The following SLAMF1 variants were observed in gnomAD, a reference collection of about 807,000 sequenced individuals.
SLAMF1 encodes signaling lymphocytic activation molecule.
A neutral mutation model predicts 35.1 loss-of-function variants in SLAMF1; 18 were observed. The ratio of observed to expected loss-of-function variants is 0.51; its 90% confidence interval spans 0.35 to 0.76. SLAMF1 has a LOEUF of 0.76. Among genes scored for constraint, SLAMF1 ranks in the 30% least tolerant of loss-of-function variants. The pLI is 0.01. For synonymous variants in SLAMF1, 168 were observed against 157.2 expected (o/e 1.07, Z -0.51); for missense variants, 392 against 413.0 (o/e 0.95, Z 0.44).
chr1:160,637,291 C>T lies in SLAMF1; in HGVS notation c.315G>A (p.Leu105=). 2.5e-6 allele frequency: 4 copies of T among 1,614,002 alleles called. No homozygotes were observed. In the South Asian group the frequency reaches 4.4e-5, roughly 18 times the overall value. ...CCTCCTTCCTGCTTTCCCGTATCCC[C>T]AGGGTGAGATTCTCCAGATAAAACT... The part of the protein sequence containing the change: ...RYKFYLENLT[L]GIRESRKEDE... Residue 105 remains leucine (L), a synonymous_variant, in exon 2 of 7, where the codon CTG becomes CTA. Coordinates refer to ENST00000302035, the MANE Select transcript of SLAMF1 (RefSeq NM_003037.5).
intron 3 of SLAMF1, among the ~76,000 whole-genome samples, chr1:160,633,379 G>C (rs952219059): frequency 2.6e-5 from 4 of 152,162 alleles, no homozygotes; most frequent in Non-Finnish European, 4.4e-5. Flanking sequence ...GGGCACACTG[G>C]AGGCCAGGTG....
rs1214515013 is a variant in SLAMF1, at chr1:160,637,422, T to C, written c.184A>G (p.Ile62Val). ...INKSMNKSIH[I>V]VVTMAKSLEN... ...AGTGATTTTGCCATTGTGACGACAA[T>C]GTGGATGCTTTTGTTCATGCTCTTA... Residue 62 changes from isoleucine (I) to valine (V), a missense_variant, in exon 2 of 7, where the codon ATT (isoleucine) becomes GTT (valine). Physicochemically the swap from Ile to Val is conservative, Grantham distance 29. Transcript: ENST00000302035. 6.2e-7 allele frequency: 1 copy of C among 1,614,150 alleles called. No individual in the cohort carries two copies.
chr1:160,615,318 G>A (rs1218463451), intron 5 of SLAMF1, among the ~76,000 whole-genome samples: 5 of 152,072 alleles, frequency 3.3e-5, no homozygotes, highest in African/African-American at 1.2e-4. Context: ...ATCAAGAGGT[G>A]AAATTATTGT....
At chr1:160,639,061 A>G (rs926946194) in intron 1 of SLAMF1, among the ~76,000 whole-genome samples, 2 of 152,170 alleles carry the variant, frequency 1.3e-5, no homozygotes, top group Admixed American at 6.5e-5. Flanking sequence ...TGCACTCCCA[A>G]CTGCCTACAC....
At chr1:160,631,487 C>T (rs1660162888) in intron 3 of SLAMF1, among the ~76,000 whole-genome samples, 1 of 152,138 alleles carries the variant, frequency 6.6e-6, no homozygotes, top group Non-Finnish European at 1.5e-5. Flanking sequence ...TCTCCCCTCC[C>T]CCAAATTTCT....
chr1:160,608,410 A>C lies in SLAMF1; in HGVS notation c.*2338T>G, dbSNP rs887465986. 6.6e-6 allele frequency: 1 copy of C among 152,200 alleles called. No homozygotes were observed. Among genetic ancestry groups the C allele is most frequent in the Non-Finnish European group, 1.5e-5 (1 of 68,044 alleles). The allele number at this position is 152,200 out of a possible 1,614,324, so 9.4% of individuals were successfully genotyped here. A position where few individuals can be genotyped will look rare whatever the true frequency, so the allele number is the denominator to read the frequency against. ...AAACACGGGGAAAACTTATTGTTTTAAGTCTGAGGAAAAGGCAAGCTCCCG... is the reference window on the plus strand; with the variant it reads ...AAACACGGGGAAAACTTATTGTTTTCAGTCTGAGGAAAAGGCAAGCTCCCG... On this transcript the variant is annotated 3_prime_UTR_variant, in exon 7 of 7. Coordinates refer to ENST00000302035, the MANE Select transcript of SLAMF1 (RefSeq NM_003037.5).
rs1020544278 is a variant in SLAMF1, at chr1:160,610,642, A to G, written c.*106T>C. The stretch of plus-strand genomic sequence containing the variant: ...GGGAGTTGATCTGAGAAGGGTACAG[A>G]CGTGCAGCATGTCTGCCAGAGGAAA... On this transcript the variant is annotated 3_prime_UTR_variant, in exon 7 of 7. Coordinates refer to ENST00000302035, the MANE Select transcript of SLAMF1 (RefSeq NM_003037.5). The G allele has an allele frequency of 1.3e-6, 1 of 779,722 alleles. No homozygotes were observed. Among genetic ancestry groups the G allele is most frequent in the Non-Finnish European group, 2.3e-6 (1 of 431,324 alleles). 48.3% of individuals were successfully genotyped at this position (779,722 alleles called of 1,614,324 possible). A position where few individuals can be genotyped will look rare whatever the true frequency, so the allele number is the denominator to read the frequency against.
chr1:160,620,133 T>C (rs1420540705), intron 4 of SLAMF1, among the ~76,000 whole-genome samples: 3 of 152,246 alleles, frequency 2.0e-5, no homozygotes, highest in Non-Finnish European at 4.4e-5. Context: ...CACTGCCTGG[T>C]GCATAACAAA....
chr1:160,634,910 GGA>G lies in SLAMF1; in HGVS notation c.416-15_416-14del. 1 of 1,595,450 alleles carries G rather than the reference GGA, an allele frequency of 6.3e-7. No individual in the cohort carries two copies. The highest frequency in any genetic ancestry group is 8.6e-7 in the Non-Finnish European group (1 of 1,167,612). The stretch of plus-strand genomic sequence containing the variant: ...GTGGAGACCTGCTCTGTCAGGAGTG[GGA>G]GGAAGGGAGCCATCACTGAAGTGAA... On this transcript the variant is annotated splice_polypyrimidine_tract_variant and intron_variant, in intron 2 of 6. Coordinates refer to ENST00000302035, the MANE Select transcript of SLAMF1 (RefSeq NM_003037.5).
intron 5 of SLAMF1, among the ~76,000 whole-genome samples, chr1:160,614,851 T>C (rs1460927967): frequency 1.3e-5 from 2 of 152,210 alleles, no homozygotes; most frequent in Non-Finnish European, 1.5e-5. Flanking sequence ...TAAGTTAGTA[T>C]ATTTTTGTAT....
chr1:160,619,280 TCA>T (rs569497783), intron 5 of SLAMF1, among the ~76,000 whole-genome samples: 190 of 152,282 alleles, frequency 1.2e-3, no homozygotes, highest in African/African-American at 4.2e-3. Context: ...GATCACTCTG[TCA>T]CAGTTTTCTT....
intron 5 of SLAMF1, among the ~76,000 whole-genome samples, chr1:160,617,360 G>A (rs1042203744): frequency 6.6e-6 from 1 of 152,014 alleles, no homozygotes; most frequent in Non-Finnish European, 1.5e-5. Context: ...TCCACTTAAC[G>A]ACTTGCATAT....
intron 5 of SLAMF1, among the ~76,000 whole-genome samples, chr1:160,614,047 A>G (rs1456289790): frequency 1.3e-5 from 2 of 152,162 alleles, no homozygotes; most frequent in African/African-American, 4.8e-5. Flanking sequence ...CTGCATTTCT[A>G]ATAAAGTCCC....
chr1:160,635,571 C>CTTTT (rs36085536), intron 2 of SLAMF1, among the ~76,000 whole-genome samples: 2 of 136,904 alleles, frequency 1.5e-5, no homozygotes, highest in African/African-American at 2.7e-5. Flanking sequence ...CATTCATCAT[C>CTTTT]TTTTTTTTTT....
chr1:160,623,822 G>A (rs1459780014), intron 4 of SLAMF1, among the ~76,000 whole-genome samples: 2 of 152,174 alleles, frequency 1.3e-5, no homozygotes, highest in Non-Finnish European at 2.9e-5. Context: ...TGATGGCAGT[G>A]CTAGTCACAC....
intron 5 of SLAMF1, among the ~76,000 whole-genome samples, chr1:160,612,854 T>C (rs1659077908): frequency 6.6e-6 from 1 of 152,182 alleles, no homozygotes; most frequent in Admixed American, 6.5e-5. Flanking sequence ...GTTTTAAATG[T>C]CTTCCTCACA....
At chr1:160,620,629 A>G (rs914944796) in intron 4 of SLAMF1, among the ~76,000 whole-genome samples, 1 of 152,238 alleles carries the variant, frequency 6.6e-6, no homozygotes, top group Non-Finnish European at 1.5e-5. Flanking sequence ...CCCTTCTTCC[A>G]TTAACCAACC....
At chr1:160,638,539 C>T (rs2102351176) in intron 1 of SLAMF1, among the ~76,000 whole-genome samples, 1 of 152,262 alleles carries the variant, frequency 6.6e-6, no homozygotes, top group East Asian at 1.9e-4. Flanking sequence ...TATATTAAAA[C>T]TATCTCCCCT....
chr1:160,640,403 T>TA (rs1451183286), intron 1 of SLAMF1, among the ~76,000 whole-genome samples: 4 of 147,808 alleles, frequency 2.7e-5, no homozygotes, highest in Middle Eastern at 3.5e-3. Context: ...CACACATACA[T>TA]ATATATATAC....
Sources: gnomAD v4.1 joint callset for allele counts (sites outside exome capture counted in the v4.1 genomes callset) on GRCh38, gnomAD v4.1.1 for gene constraint, MANE v1.5 for transcripts, NCBI Gene and HGNC (gene_info 2026-07-23, HGNC 2026-07-21) for gene names.